TIPRL: variants seen among roughly 807,000 people sequenced by gnomAD.
The protein encoded by TIPRL is TIP41-like protein.
A neutral mutation model predicts 32.3 loss-of-function variants in TIPRL; 10 were observed. That is an observed-to-expected ratio of 0.31 (90% CI 0.19 to 0.52). TIPRL has a LOEUF of 0.52. TIPRL is among the 20% of genes least tolerant of loss of function. The probability of loss-of-function intolerance (pLI) is 0.96; values close to 1 mark genes in which losing one functional copy is unlikely to be tolerated. For synonymous variants in TIPRL, 100 were observed against 114.0 expected (o/e 0.88, Z 0.78); for missense variants, 250 against 328.1 (o/e 0.76, Z 1.84).
Position 168,187,843 on chromosome 1 carries a change from G to A in TIPRL, c.384+2965G>A, listed in dbSNP as rs892140149. On this transcript the variant is annotated intron_variant, in intron 3 of 6. Coordinates refer to ENST00000367833, the MANE Select transcript of TIPRL (RefSeq NM_152902.5). ...GAAAAATTGGCGGGTCTGGTGGCACGTGTCTATAGTCCCAGCTACTCAGGA... is the reference window on the plus strand; with the variant it reads ...GAAAAATTGGCGGGTCTGGTGGCACATGTCTATAGTCCCAGCTACTCAGGA... Among the ~76,000 whole-genome samples, 6 of 152,026 alleles carry A rather than the reference G, an allele frequency of 3.9e-5. 1 individual carries two copies. Among genetic ancestry groups the A allele is most frequent in the South Asian group, 4.1e-4 (2 of 4,820 alleles).
intron 4 of TIPRL, among the ~76,000 whole-genome samples, chr1:168,195,012 G>A (rs1700137281): frequency 6.6e-6 from 1 of 152,210 alleles, no homozygotes; most frequent in Admixed American, 6.5e-5. Flanking sequence ...GAAGTGACAT[G>A]TGTACTGAAA....
intron 1 of TIPRL, among the ~76,000 whole-genome samples, chr1:168,183,072 C>T (rs1159364134): frequency 6.6e-6 from 1 of 152,122 alleles, no homozygotes; most frequent in Non-Finnish European, 1.5e-5. Flanking sequence ...AATAAATATA[C>T]AATGTGTGTC....
chr1:168,183,979 C>G lies in TIPRL; in HGVS notation c.182C>G (p.Ser61Cys). ...AACGTTTTAAGAATCCAGCATGGGT[C>G]TGGCTTTGGAATTGAGTTCAATGCT... Reference protein sequence around the residue: ...GDNVLRIQHGSGFGIEFNATD... With the variant: ...GDNVLRIQHGCGFGIEFNATD... The change falls in exon 2 of 7, where the codon TCT becomes TGT. Residue 61 changes from serine to cysteine, a missense_variant. Coordinates refer to ENST00000367833, the MANE Select transcript of TIPRL (RefSeq NM_152902.5). 1 of 1,614,112 alleles carries G rather than the reference C, an allele frequency of 6.2e-7. No individual in the cohort carries two copies. Among genetic ancestry groups the G allele is most frequent in the Non-Finnish European group, 8.5e-7 (1 of 1,179,992 alleles).
chr1:168,182,225 T>G (rs1699975003), intron 1 of TIPRL, among the ~76,000 whole-genome samples: 1 of 152,224 alleles, frequency 6.6e-6, no homozygotes. Context: ...AAAGAAGCTC[T>G]TCTAATGAAT....
At chr1:168,183,812 C>A in intron 1 of TIPRL, 90 bp from the exon 2 acceptor site, 2 of 1,349,332 alleles carry the variant, frequency 1.5e-6, no homozygotes, top group Non-Finnish European at 1.0e-6. Context: ...ACTCATTCAG[C>A]AAGTAGGAAG....
chr1:168,184,716 A>G, intron 2 of TIPRL, 63 bp from the exon 3 acceptor site: 5 of 983,368 alleles, frequency 5.1e-6, no homozygotes, highest in Non-Finnish European at 7.9e-6. Flanking sequence ...GATGTGATAT[A>G]TAAATACAGA....
chr1:168,187,170 T>C (rs7531571), intron 3 of TIPRL, among the ~76,000 whole-genome samples: 68,694 of 152,076 alleles, frequency 0.45, 18,709 homozygotes, highest in African/African-American at 0.75. Flanking sequence ...AAGGTTATTT[T>C]AGTCCCTTAT....
chr1:168,179,812 G>A (rs1299642088), intron 1 of TIPRL, among the ~76,000 whole-genome samples: 1 of 152,076 alleles, frequency 6.6e-6, no homozygotes, highest in Non-Finnish European at 1.5e-5. Context: ...AGTGAGTTGT[G>A]ATGCGTTTTT....
At position 168,188,343 on chromosome 1, in the gene TIPRL, T is replaced by C. The variant is rs572661878; in HGVS notation, c.385-3026T>C. Among the ~76,000 whole-genome samples, 14 of 152,302 alleles carry C rather than the reference T, an allele frequency of 9.2e-5. No homozygotes were observed. In the South Asian group the frequency reaches 2.9e-3, roughly 32 times the overall value. On this transcript the variant is annotated intron_variant, in intron 3 of 6. Transcript: ENST00000367833. ...AGTCAAGGACAGAGCTCTGCAAACT[T>C]CTTCTGTAAAGAGTCAGACGTAAAT...
chr1:168,191,253 C>A, intron 3 of TIPRL, 116 bp from the exon 4 acceptor site: 1 of 880,680 alleles, frequency 1.1e-6, no homozygotes, highest in Non-Finnish European at 1.6e-6. Flanking sequence ...GAACTGTGTG[C>A]TCTGGCTATG....
chr1:168,186,578 G>T (rs115670366), intron 3 of TIPRL, among the ~76,000 whole-genome samples: 4,266 of 152,252 alleles, frequency 0.028, 81 homozygotes, highest in Middle Eastern at 0.071. Context: ...TATATAGAAT[G>T]AATTTATTTC....
At chr1:168,190,072 T>C (rs1173061837) in intron 3 of TIPRL, among the ~76,000 whole-genome samples, 3 of 152,230 alleles carry the variant, frequency 2.0e-5, no homozygotes, top group Admixed American at 2.0e-4. Flanking sequence ...TGTGTGTATT[T>C]AACACTAATT....
At chr1:168,191,151 G>A (rs1246216039) in intron 3 of TIPRL, among the ~76,000 whole-genome samples, 1 of 152,008 alleles carries the variant, frequency 6.6e-6, no homozygotes, top group African/African-American at 2.4e-5. Flanking sequence ...CTTTTTTTGT[G>A]AAGCTATAAT....
intron 4 of TIPRL, among the ~76,000 whole-genome samples, chr1:168,194,201 G>C (rs1264675972): frequency 6.6e-6 from 1 of 152,096 alleles, no homozygotes; most frequent in Admixed American, 6.6e-5. Context: ...TTTCACCTCT[G>C]TGAATGCCTG....
In TIPRL at chr1:168,183,085, GT is replaced by G. The variant is rs201380678; in HGVS notation, c.105-810del. On this transcript the variant is annotated intron_variant, in intron 1 of 6. Coordinates refer to ENST00000367833, the MANE Select transcript of TIPRL (RefSeq NM_152902.5). ...GTAATAAATATACAATGTGTGTCCA[GT>G]TTTTTTCTTACTATTTTATCATAAG... Among the ~76,000 whole-genome samples the G allele has an allele frequency of 7.9e-4, 120 of 152,066 alleles. No homozygotes were observed. The East Asian group carries it at 0.02, about 26-fold the overall frequency.
chr1:168,186,286 A>G (rs1700027158), intron 3 of TIPRL, among the ~76,000 whole-genome samples: 1 of 152,102 alleles, frequency 6.6e-6, no homozygotes, highest in South Asian at 2.1e-4. Flanking sequence ...ACTTGAGGTC[A>G]GGAGTTCGAG....
chr1:168,199,925 C>T lies in TIPRL; in HGVS notation c.698C>T (p.Thr233Met), dbSNP rs1326202616. The T allele has an allele frequency of 1.9e-5, 31 of 1,612,834 alleles. 1 individual carries two copies. The highest frequency in any genetic ancestry group is 1.6e-4 in the Middle Eastern group (1 of 6,072). The change falls in exon 7 of 7, where the codon ACG becomes ATG. Residue 233 changes from threonine (T) to methionine (M), a missense_variant. By Grantham distance (81) the Thr-to-Met change is moderately conservative. Transcript: ENST00000367833. ...SLMHVPPSLF[T>M]EPNEISQYLP... ...TAGCATGTTCCACCTTCCCTCTTCACGGAACCTAATGAAATATCCCAGTAT... is the reference window on the plus strand; with the variant it reads ...TAGCATGTTCCACCTTCCCTCTTCATGGAACCTAATGAAATATCCCAGTAT...
At position 168,200,004 on chromosome 1, in the gene TIPRL, T is replaced by A; in HGVS notation, c.777T>A (p.Asp259Glu). The A allele has an allele frequency of 1.2e-6, 2 of 1,613,606 alleles. No homozygotes were observed. Among genetic ancestry groups the A allele is most frequent in the Non-Finnish European group, 1.7e-6 (2 of 1,179,734 alleles). The change falls in exon 7 of 7, where the codon GAT becomes GAA. Residue 259 changes from aspartate (D) to glutamate (E), a missense_variant. Asp to Glu is a conservative substitution (Grantham distance 45). Transcript: ENST00000367833. Reference protein sequence around the residue: ...CEKLIFPERIDPNPADSQKST... With the variant: ...CEKLIFPERIEPNPADSQKST... Reference sequence around the variant, plus strand: ...AGCTAATATTTCCAGAAAGAATTGATCCTAACCCAGCAGACTCACAAAAAA... The same window carrying A: ...AGCTAATATTTCCAGAAAGAATTGAACCTAACCCAGCAGACTCACAAAAAA...
intron 1 of TIPRL, 150 bp from the exon 2 acceptor site, chr1:168,183,752 T>C: frequency 1.3e-6 from 1 of 793,850 alleles, no homozygotes; most frequent in Non-Finnish European, 2.0e-6. Context: ...GATGAAAGCA[T>C]TTTATAGACC....
Sources: allele counts gnomAD v4.1 joint callset (sites outside exome capture counted in the v4.1 genomes callset), GRCh38; gene constraint gnomAD v4.1.1; transcripts MANE v1.5; gene names NCBI Gene and HGNC (gene_info 2026-07-23, HGNC 2026-07-21).